TLN2: variants seen among roughly 807,000 people sequenced by gnomAD.
The protein encoded by TLN2 is talin-2.
A neutral mutation model predicts 294.7 loss-of-function variants in TLN2; 118 were observed. The ratio of observed to expected loss-of-function variants is 0.40; its 90% CI spans 0.34 to 0.47. TLN2 has a LOEUF of 0.47. Ranked by LOEUF, TLN2 falls within the 20% of genes least tolerant of loss-of-function variation. The probability of loss-of-function intolerance (pLI) is 0.84; values close to 1 mark genes in which losing one functional copy is unlikely to be tolerated. For synonymous variants in TLN2, 1,431 were observed against 1,304.5 expected (o/e 1.10, Z -2.09); for missense variants, 3,083 against 3,282.2 (o/e 0.94, Z 1.48).
At position 62,805,781 on chromosome 15, in the gene TLN2, G is replaced by T. The variant is rs1277012089; in HGVS notation, c.6659G>T (p.Cys2220Phe). 6.2e-7 allele frequency: 1 copy of T among 1,612,964 alleles called. No individual in the cohort carries two copies. The highest frequency in any genetic ancestry group is 8.5e-7 in the Non-Finnish European group (1 of 1,179,184). The change falls in exon 51 of 59, where the codon TGC (cysteine) becomes TTC (phenylalanine). Residue 2220 changes from cysteine (C) to phenylalanine (F), a missense_variant. Transcript: ENST00000636159. ...GCCGTGTCAGATATGTTGACGGCTT[G>T]CAAGGTAAAGAGCTTGGCATGGTTT... ...RKAVSDMLTA[C>F]KQASFHPDVS...
intron 53 of TLN2, 67 bp downstream of exon 53, chr15:62,819,688 G>C: frequency 7.0e-7 from 1 of 1,437,470 alleles, no homozygotes; most frequent in Non-Finnish European, 9.6e-7. Context: ...AGCAGACTGA[G>C]CAGAGGAAAA....
chr15:62,626,270 A>G (rs2049276074), intron 3 of TLN2, among the ~76,000 whole-genome samples: 1 of 152,064 alleles, frequency 6.6e-6, no homozygotes, highest in Admixed American at 6.6e-5. Context: ...TTAGGAAAAT[A>G]TAAACAATTA....
chr15:62,761,579 G>C (rs1446529026), intron 37 of TLN2, 102 bp from the exon 38 acceptor site: 1 of 1,519,836 alleles, frequency 6.6e-7, no homozygotes, highest in Non-Finnish European at 9.0e-7. Context: ...GATTTTCAGT[G>C]TTCCGGTTGA....
intron 1 of TLN2, among the ~76,000 whole-genome samples, chr15:62,520,525 T>G (rs2040403497): frequency 6.6e-6 from 1 of 152,194 alleles, no homozygotes; most frequent in Non-Finnish European, 1.5e-5. Context: ...ATGTTGAATG[T>G]GTGAGGAATA....
At chr15:62,458,977 C>G (rs1394006881) in intron 1 of TLN2, among the ~76,000 whole-genome samples, 1 of 151,822 alleles carries the variant, frequency 6.6e-6, no homozygotes, top group East Asian at 1.9e-4. Context: ...GGCACTAGCT[C>G]TATGTGGAAA....
At chr15:62,822,790 CAG>C (rs1407785099) in intron 54 of TLN2, among the ~76,000 whole-genome samples, 3 of 152,090 alleles carry the variant, frequency 2.0e-5, no homozygotes, top group Non-Finnish European at 4.4e-5. Flanking sequence ...CATGGTATAA[CAG>C]AAAGGATGCA....
chr15:62,680,563 T>A (rs562775416), intron 11 of TLN2, among the ~76,000 whole-genome samples: 14 of 152,072 alleles, frequency 9.2e-5, no homozygotes, highest in African/African-American at 3.4e-4. Flanking sequence ...AAAAAAAAAA[T>A]TGTATACCTA....
chr15:62,511,854 G>A (rs746525558), intron 1 of TLN2, among the ~76,000 whole-genome samples: 2 of 152,060 alleles, frequency 1.3e-5, no homozygotes, highest in Non-Finnish European at 2.9e-5. Flanking sequence ...AACAAAAATC[G>A]GTGTTTAACT....
chr15:62,735,509 C>T (rs2060963871), intron 28 of TLN2, among the ~76,000 whole-genome samples: 1 of 152,176 alleles, frequency 6.6e-6, no homozygotes, highest in Non-Finnish European at 1.5e-5. Context: ...CCATTAAGGA[C>T]ATAAAAGTTA....
At chr15:62,611,524 G>C (rs555327415) in intron 2 of TLN2, among the ~76,000 whole-genome samples, 1 of 152,174 alleles carries the variant, frequency 6.6e-6, no homozygotes, top group Non-Finnish European at 1.5e-5. Flanking sequence ...GAACATTTGG[G>C]GACTTGACCA....
At chr15:62,829,950 G>A (rs2068623700) in intron 54 of TLN2, 1 of 152,188 alleles carries the variant, frequency 6.6e-6, no homozygotes, top group Admixed American at 6.5e-5. Flanking sequence ...TTCTAGCCAT[G>A]TGGTTGCAAA....
intron 1 of TLN2, among the ~76,000 whole-genome samples, chr15:62,539,360 C>T (rs970024903): frequency 2.0e-5 from 3 of 152,162 alleles, no homozygotes; most frequent in African/African-American, 7.2e-5. Context: ...GTGAATAGTC[C>T]TTAAGGTGGT....
At chr15:62,525,913 A>G (rs945156386) in intron 1 of TLN2, among the ~76,000 whole-genome samples, 6 of 152,172 alleles carry the variant, frequency 3.9e-5, no homozygotes, top group East Asian at 1.9e-4. Context: ...TGTGGGATCT[A>G]TAACTCTGCC....
At position 62,835,754 on chromosome 15, in the gene TLN2, C is replaced by G; in HGVS notation, c.7146C>G (p.Ala2382=). 1 of 1,614,070 alleles carries G rather than the reference C, an allele frequency of 6.2e-7. No individual in the cohort carries two copies. The highest frequency in any genetic ancestry group is 8.5e-7 in the Non-Finnish European group (1 of 1,180,050). Residue 2382 remains alanine, a synonymous_variant, in exon 56 of 59, where the codon GCC becomes GCG. Transcript: ENST00000636159. ...VAQGKVGSIP[A]NAADDGQWSQ... ...CTCTCTAGGTGGGCTCCATCCCTGC[C>G]AATGCTGCAGACGACGGACAGTGGT...
intron 3 of TLN2, among the ~76,000 whole-genome samples, chr15:62,641,526 G>T (rs748359617): frequency 5.9e-5 from 9 of 152,062 alleles, no homozygotes; most frequent in Non-Finnish European, 1.0e-4. Context: ...TGAGGCAGGA[G>T]AATCGTTTGA....
At chr15:62,424,114 T>A (rs995073681) in intron 1 of TLN2, among the ~76,000 whole-genome samples, 2 of 152,232 alleles carry the variant, frequency 1.3e-5, no homozygotes, top group African/African-American at 4.8e-5. Context: ...TCGGTTTTTT[T>A]ATTTGTAAAT....
chr15:62,716,740 G>C (rs887957653), intron 23 of TLN2, among the ~76,000 whole-genome samples: 3 of 152,050 alleles, frequency 2.0e-5, no homozygotes, highest in African/African-American at 7.2e-5. Flanking sequence ...ATTCAAGAAG[G>C]ACCTTTTGCT....
At chr15:62,838,080 T>G (rs1034454994) in intron 57 of TLN2, 5 of 152,052 alleles carry the variant, frequency 3.3e-5, no homozygotes, top group Admixed American at 1.3e-4. Flanking sequence ...TTAAGGAAGA[T>G]CTAAGGAAAA....
chr15:62,650,685 A>T (rs2052488763), intron 5 of TLN2, among the ~76,000 whole-genome samples: 1 of 152,206 alleles, frequency 6.6e-6, no homozygotes, highest in African/African-American at 2.4e-5. Context: ...ATGAGTAAAA[A>T]CATATTAAAC....
Sources: allele counts gnomAD v4.1 joint callset (sites outside exome capture counted in the v4.1 genomes callset), GRCh38; gene constraint gnomAD v4.1.1; transcripts MANE v1.5; gene names NCBI Gene and HGNC (gene_info 2026-07-23, HGNC 2026-07-21).